The following TSHZ2 variants were observed in gnomAD, a reference collection of about 807,000 sequenced individuals.
TSHZ2 encodes teashirt zinc finger homeobox 2, also known as teashirt homolog 2.
TSHZ2 carries 21 observed loss-of-function variants against 74.4 expected under a neutral mutation model. The ratio of observed to expected loss-of-function variants is 0.28; its 90% CI spans 0.20 to 0.41. TSHZ2 has a LOEUF of 0.41. Among genes scored for constraint, TSHZ2 ranks in the 10% least tolerant of loss-of-function variants. The pLI, the probability that TSHZ2 is intolerant of heterozygous loss-of-function variation, is 1.00. For synonymous variants in TSHZ2, 540 were observed against 515.3 expected (o/e 1.05, Z -0.65); for missense variants, 1,244 against 1,293.5 (o/e 0.96, Z 0.59).
intron 1 of TSHZ2, among the ~76,000 whole-genome samples, chr20:53,130,092 G>C (rs565436525): frequency 2.1e-4 from 32 of 151,884 alleles, no homozygotes; most frequent in Non-Finnish European, 3.4e-4. Context: ...GTTATGTGTG[G>C]TTGATAGTGG....
At chr20:53,353,528 GC>G in intron 2 of TSHZ2, among the ~76,000 whole-genome samples, 1 of 152,172 alleles carries the variant, frequency 6.6e-6, no homozygotes, top group South Asian at 2.1e-4. Flanking sequence ...ATTTTTAAAG[GC>G]CATACAAGAA....
In TSHZ2 at chr20:53,203,974, G is replaced by C. The variant is rs150840537; in HGVS notation, c.41-49525G>C. ...GTATAAAACACACTGAACTTGAAAGGCTTAGTCCAAAAACCGTAGTGCACA... is the reference window on the plus strand; with the variant it reads ...GTATAAAACACACTGAACTTGAAAGCCTTAGTCCAAAAACCGTAGTGCACA... On this transcript the variant is annotated intron_variant, in intron 1 of 2. Coordinates refer to ENST00000371497, the MANE Select transcript of TSHZ2 (RefSeq NM_173485.6). Among the ~76,000 whole-genome samples the C allele has an allele frequency of 9.7e-3, 1,473 of 151,302 alleles. 6 individuals carry two copies. The highest frequency in any genetic ancestry group is 0.014 in the Non-Finnish European group (963 of 67,782).
At chr20:53,190,137 A>ATATATTTT (rs1568803538) in intron 1 of TSHZ2, among the ~76,000 whole-genome samples, 1 of 90,516 alleles carries the variant, frequency 1.1e-5, no homozygotes, top group African/African-American at 4.1e-5. Flanking sequence ...ATATATATAT[A>ATATATTTT]TTTTCTTAAA....
At chr20:53,376,635 T>G (rs1981666260) in intron 2 of TSHZ2, among the ~76,000 whole-genome samples, 1 of 152,238 alleles carries the variant, frequency 6.6e-6, no homozygotes, top group Admixed American at 6.5e-5. Context: ...CCAGTTGGAT[T>G]TCTCCACTCA....
chr20:53,120,959 G>A (rs1282727670), intron 1 of TSHZ2, among the ~76,000 whole-genome samples: 1 of 151,930 alleles, frequency 6.6e-6, no homozygotes, highest in East Asian at 1.9e-4. Flanking sequence ...CATGATATTC[G>A]ATACAAATAG....
At chr20:53,070,764 G>T (rs754139211) in intron 1 of TSHZ2, among the ~76,000 whole-genome samples, 1 of 152,158 alleles carries the variant, frequency 6.6e-6, no homozygotes, top group Non-Finnish European at 1.5e-5. Context: ...TTCAGAAAAC[G>T]GTTGTTACTG....
chr20:53,474,882 A>C (rs1195353936), intron 2 of TSHZ2, among the ~76,000 whole-genome samples: 8 of 144,036 alleles, frequency 5.6e-5, no homozygotes, highest in African/African-American at 8.0e-5. Context: ...AACAGACTTT[A>C]AACCAACAAA....
At position 53,009,837 on chromosome 20, in the gene TSHZ2, G is replaced by A. The variant is rs375934091; in HGVS notation, c.40+36504G>A. Among the ~76,000 whole-genome samples, 9 of 152,246 alleles carry A rather than the reference G, an allele frequency of 5.9e-5. No homozygotes were observed. The East Asian group carries it at 9.7e-4, about 16-fold the overall frequency. ...ATACTCAATTATTTCCATTAATGCA[G>A]TGAAGGGACTAGAAATTCATTACCC... On this transcript the variant is annotated intron_variant, in intron 1 of 2. Transcript: ENST00000371497.
intron 1 of TSHZ2, among the ~76,000 whole-genome samples, chr20:53,148,191 C>T (rs1987590578): frequency 6.6e-6 from 1 of 152,216 alleles, no homozygotes. Context: ...CAATTGATCA[C>T]ATGAATGTTA....
intron 2 of TSHZ2, among the ~76,000 whole-genome samples, chr20:53,401,797 T>C (rs1245976748): frequency 1.3e-4 from 17 of 133,282 alleles, no homozygotes; most frequent in Admixed American, 7.9e-4. Context: ...TTTTTTTTTT[T>C]CTTCAGACAG....
intron 1 of TSHZ2, among the ~76,000 whole-genome samples, chr20:53,209,072 C>T (rs540605761): frequency 1.4e-4 from 22 of 152,268 alleles, no homozygotes; most frequent in South Asian, 4.2e-4. Context: ...ACAACCATGA[C>T]GGCTGTATTT....
At chr20:53,242,086 C>T (rs573246654) in intron 1 of TSHZ2, among the ~76,000 whole-genome samples, 1 of 152,300 alleles carries the variant, frequency 6.6e-6, no homozygotes, top group South Asian at 2.1e-4. Context: ...GTCACACTTA[C>T]TTGTCGTCAA....
chr20:53,107,512 A>G (rs987290144), intron 1 of TSHZ2, among the ~76,000 whole-genome samples: 1 of 152,188 alleles, frequency 6.6e-6, no homozygotes, highest in Non-Finnish European at 1.5e-5. Flanking sequence ...TTGAACATCC[A>G]TCTCAGTTTT....
Position 53,254,551 on chromosome 20 carries a change from G to A in TSHZ2, c.1093G>A (p.Gly365Arg). 1 of 1,613,410 alleles carries A rather than the reference G, an allele frequency of 6.2e-7. No homozygotes were observed. Among genetic ancestry groups the A allele is most frequent in the African/African-American group, 1.3e-5 (1 of 75,002 alleles). ...CAACAACCGCTATGGCTACCAAAAT[G>A]GAGCCAGCTACACCTGGCAGTTTGA... ...SSNNRYGYQNGASYTWQFEAC... is the reference protein window; with the variant it reads ...SSNNRYGYQNRASYTWQFEAC... The change falls in exon 2 of 3, where the codon GGA becomes AGA. Residue 365 changes from glycine to arginine, a missense_variant. By Grantham distance (125) the Gly-to-Arg change is moderately radical. Transcript: ENST00000371497.
At chr20:52,974,407 C>T (rs888553931) in intron 1 of TSHZ2, among the ~76,000 whole-genome samples, 1 of 152,184 alleles carries the variant, frequency 6.6e-6, no homozygotes, top group Admixed American at 6.5e-5. Context: ...CAGAGCCAGA[C>T]ATGCACAATT....
chr20:53,463,422 GGAAGGAAGGAA>G (rs1433092330), intron 2 of TSHZ2, among the ~76,000 whole-genome samples: 3,184 of 125,570 alleles, frequency 0.025, 104 homozygotes, highest in Middle Eastern at 0.049. Context: ...AAGGAAGGAA[GGAAGGAAGGAA>G]GGAGGGAGGG....
At chr20:53,452,598 CAAAAAA>C (rs11313655) in intron 2 of TSHZ2, among the ~76,000 whole-genome samples, 1 of 121,302 alleles carries the variant, frequency 8.2e-6, no homozygotes. Context: ...GACTCTGTCT[CAAAAAA>C]AAAAAAAAAA....
rs546091109 is a variant in TSHZ2 at position 53,237,340 on chromosome 20, A to G, written c.41-16159A>G. Among the ~76,000 whole-genome samples the G allele has an allele frequency of 4.6e-5, 7 of 152,352 alleles. No homozygotes were observed. In the East Asian group the frequency reaches 1.3e-3, roughly 29 times the overall value. On this transcript the variant is annotated intron_variant, in intron 1 of 2. Coordinates refer to ENST00000371497, the MANE Select transcript of TSHZ2 (RefSeq NM_173485.6). ...CCCAGCTTAGCTCTCTGAATCACACACAACTGAGTGATGGTAGAAACCTTC... is the reference window on the plus strand; with the variant it reads ...CCCAGCTTAGCTCTCTGAATCACACGCAACTGAGTGATGGTAGAAACCTTC...
At chr20:53,441,499 G>C (rs1984325196) in intron 2 of TSHZ2, among the ~76,000 whole-genome samples, 1 of 151,906 alleles carries the variant, frequency 6.6e-6, no homozygotes, top group Non-Finnish European at 1.5e-5. Context: ...TGTTAGCAAG[G>C]ATTGTCTCAA....
Sources: allele counts gnomAD v4.1 joint callset (sites outside exome capture counted in the v4.1 genomes callset), GRCh38; gene constraint gnomAD v4.1.1; transcripts MANE v1.5; gene names NCBI Gene and HGNC (gene_info 2026-07-23, HGNC 2026-07-21).